HACD1: variants seen among roughly 807,000 people sequenced by gnomAD.
HACD1 encodes the protein very-long-chain (3R)-3-hydroxyacyl-CoA dehydratase 1.
HACD1 carries 41 observed loss-of-function variants against 32.0 expected under a neutral mutation model. The ratio of observed to expected loss-of-function variants is 1.28; its 90% CI spans 1.00 to 1.66. The LOEUF is 1.66. HACD1 is among the 40% of genes most tolerant of loss of function. HACD1 has a pLI of 0.00. For missense variants in HACD1, 396 were observed against 380.1 expected (o/e 1.04, Z -0.35); for synonymous variants, 142 against 139.0 (o/e 1.02, Z -0.15).
chr10:17,616,740 G>C (rs1554818109), intron 1 of HACD1, among the ~76,000 whole-genome samples: 1 of 151,426 alleles, frequency 6.6e-6, no homozygotes, highest in East Asian at 1.9e-4. Context: ...CGAGACCATC[G>C]AGTGGCCAGG....
intron 5 of HACD1, among the ~76,000 whole-genome samples, chr10:17,595,941 G>A (rs948032877): frequency 3.3e-5 from 5 of 151,808 alleles, no homozygotes; most frequent in Admixed American, 6.6e-5. Flanking sequence ...AGCCAAGACC[G>A]CACCACTGTA....
chr10:17,612,738 G>A (rs1237607961), intron 1 of HACD1, among the ~76,000 whole-genome samples: 1 of 151,894 alleles, frequency 6.6e-6, no homozygotes, highest in Non-Finnish European at 1.5e-5. Context: ...GGCCAACACG[G>A]TGAAATCCCG....
intron 4 of HACD1, among the ~76,000 whole-genome samples, chr10:17,601,095 G>T (rs1215321444): frequency 6.6e-6 from 1 of 150,612 alleles, no homozygotes; most frequent in Non-Finnish European, 1.5e-5. Flanking sequence ...GTGCAGTGAT[G>T]CGATCTCAGC....
intron 1 of HACD1, among the ~76,000 whole-genome samples, chr10:17,608,505 C>CT (rs35054701): frequency 0.11 from 17,112 of 151,190 alleles, 1,016 homozygotes; most frequent in East Asian, 0.24. Context: ...ACTTTGTCTC[C>CT]TTTTTTTTTG....
At chr10:17,592,043 G>A (rs1254062353) in intron 6 of HACD1, among the ~76,000 whole-genome samples, 1 of 142,040 alleles carries the variant, frequency 7.0e-6, no homozygotes, top group African/African-American at 2.7e-5. Flanking sequence ...GTGCAGTGGT[G>A]TAATCTTGGC....
intron 5 of HACD1, among the ~76,000 whole-genome samples, chr10:17,595,001 G>A (rs1278159951): frequency 6.6e-6 from 1 of 152,054 alleles, no homozygotes; most frequent in Non-Finnish European, 1.5e-5. Flanking sequence ...TGGGACTACA[G>A]GCGCCCGCCA....
intron 5 of HACD1, among the ~76,000 whole-genome samples, chr10:17,596,754 T>G (rs1834000508): frequency 6.6e-6 from 1 of 152,156 alleles, no homozygotes; most frequent in Non-Finnish European, 1.5e-5. Context: ...TCTAAAATTT[T>G]TTTGAAGGGA....
In HACD1 at chr10:17,602,133, G is replaced by A. The variant is rs916582725; in HGVS notation, c.483+1427C>T. The stretch of plus-strand genomic sequence containing the variant: ...CACCCAAACTGGAGTGCAGTGGTGC[G>A]ATCTCAGCTCACTGCACCCTCCACC... On this transcript the variant is annotated intron_variant, in intron 4 of 6. Coordinates refer to ENST00000361271, the MANE Select transcript of HACD1 (RefSeq NM_014241.4). Among the ~76,000 whole-genome samples, 4 of 150,160 alleles carry A rather than the reference G, an allele frequency of 2.7e-5. No homozygotes were observed. The East Asian group carries it at 7.8e-4, about 29-fold the overall frequency.
At chr10:17,596,417 A>T (rs1329054554) in intron 5 of HACD1, among the ~76,000 whole-genome samples, 4 of 151,940 alleles carry the variant, frequency 2.6e-5, no homozygotes, top group African/African-American at 7.3e-5. Context: ...GACATTTTAT[A>T]TACCTGTCTC....
At chr10:17,594,519 G>T in intron 5 of HACD1, 136 bp from the exon 6 acceptor site, 1 of 616,128 alleles carries the variant, frequency 1.6e-6, no homozygotes. Flanking sequence ...CTTACGTAAG[G>T]TTAATAGTTC....
intron 1 of HACD1, among the ~76,000 whole-genome samples, chr10:17,610,361 A>AT: frequency 6.6e-6 from 1 of 152,292 alleles, no homozygotes; most frequent in East Asian, 1.9e-4. Context: ...AAGAAGTGCA[A>AT]TTTTAGGCCA....
At chr10:17,614,713 GA>G (rs782394677) in intron 1 of HACD1, among the ~76,000 whole-genome samples, 2 of 12,482 alleles carry the variant, frequency 1.6e-4, no homozygotes, top group East Asian at 1.4e-3. Flanking sequence ...CTTAACAAAA[GA>G]AAAAAAAAGG....
At chr10:17,595,325 G>C (rs1421276773) in intron 5 of HACD1, among the ~76,000 whole-genome samples, 1 of 152,156 alleles carries the variant, frequency 6.6e-6, no homozygotes, top group African/African-American at 2.4e-5. Context: ...TACCAAGGTA[G>C]TTATTTTTAA....
intron 4 of HACD1, among the ~76,000 whole-genome samples, chr10:17,600,777 C>G (rs60050215): frequency 1.6e-4 from 25 of 152,336 alleles, no homozygotes; most frequent in African/African-American, 4.6e-4. Flanking sequence ...CTACGTCAGA[C>G]TAAGTCCTTA....
At position 17,617,134 on chromosome 10, in the gene HACD1, C is replaced by T. The variant is rs1554818194; in HGVS notation, c.206G>A (p.Gly69Glu). 12 of 1,506,772 alleles carry T rather than the reference C, an allele frequency of 8.0e-6. No individual in the cohort carries two copies. Among genetic ancestry groups the T allele is most frequent in the Non-Finnish European group, 1.1e-5 (12 of 1,131,146 alleles). 93.3% of individuals were successfully genotyped at this position (1,506,772 alleles called of 1,614,324 possible). A position where few individuals can be genotyped will look rare whatever the true frequency, so the allele number is the denominator to read the frequency against. The change falls in exon 1 of 7, where the codon GGG becomes GAG. Residue 69 changes from glycine to glutamate, a missense_variant. Coordinates refer to ENST00000361271, the MANE Select transcript of HACD1 (RefSeq NM_014241.4). ...GGTGAGCCAGGCGGTGGCCAAGACC[C>T]CCAGGCGCCTCCGCTCGCCGGGAGC... ...REAPGERRRL[G>E]VLATAWLTFY...
At chr10:17,602,271 C>T (rs1004744272) in intron 4 of HACD1, among the ~76,000 whole-genome samples, 2 of 151,946 alleles carry the variant, frequency 1.3e-5, no homozygotes, top group Admixed American at 6.6e-5. Flanking sequence ...GGTTTCACCA[C>T]GTTAGCCAGG....
At chr10:17,612,473 G>A (rs1323973080) in intron 1 of HACD1, among the ~76,000 whole-genome samples, 3 of 152,154 alleles carry the variant, frequency 2.0e-5, no homozygotes, top group Non-Finnish European at 2.9e-5. Flanking sequence ...CAGACAATAA[G>A]CATTGCGAAT....
intron 1 of HACD1, among the ~76,000 whole-genome samples, chr10:17,609,155 G>GTTTTTTTTTTTTTTTTTTTTTTTT (rs56347429): frequency 6.8e-5 from 9 of 132,122 alleles, no homozygotes; most frequent in African/African-American, 2.6e-4. Context: ...TGTGCAAAAG[G>GTTTTTTTTTTTTTTTTTTTTTTTT]TTTTTTTTTT....
intron 1 of HACD1, among the ~76,000 whole-genome samples, chr10:17,613,087 T>C (rs1833014107): frequency 6.7e-6 from 1 of 149,138 alleles, no homozygotes; most frequent in African/African-American, 2.5e-5. Flanking sequence ...TCCGTTGCTT[T>C]GCAATTTGGG....
Sources: allele counts gnomAD v4.1 joint callset (sites outside exome capture counted in the v4.1 genomes callset), GRCh38; gene constraint gnomAD v4.1.1; transcripts MANE v1.5; gene names NCBI Gene and HGNC (gene_info 2026-07-23, HGNC 2026-07-21).